The following RPS6KC1 variants were observed in gnomAD, a reference collection of about 807,000 sequenced individuals.
The protein encoded by RPS6KC1 is ribosomal protein S6 kinase C1, also known as inactive ribosomal protein S6 kinase delta-1.
Under a neutral mutation model 103.8 loss-of-function variants are expected in RPS6KC1, and 54 were observed. The observed-to-expected ratio is 0.52, with a 90% confidence interval of 0.42 to 0.65. The LOEUF is 0.65. RPS6KC1 is among the 30% of genes least tolerant of loss of function. The pLI is 0.00. For missense variants in RPS6KC1, 1,151 were observed against 1,253.8 expected (o/e 0.92, Z 1.24); for synonymous variants, 439 against 438.7 (o/e 1.00, Z -0.01).
At chr1:213,292,593 C>T in the RPS6KC1 span, among the ~76,000 whole-genome samples, 1 of 152,274 alleles carries the variant, frequency 6.6e-6, no homozygotes, top group Admixed American at 6.5e-5. Flanking sequence ...ACATTACCTT[C>T]CACTCCAGGA....
the RPS6KC1 span, among the ~76,000 whole-genome samples, chr1:213,542,242 AC>A: frequency 6.6e-6 from 1 of 152,250 alleles, no homozygotes; most frequent in Non-Finnish European, 1.5e-5. Flanking sequence ...CTTTCTTACC[AC>A]AGTGTTCCAG....
At chr1:213,580,159 C>T in the RPS6KC1 span, among the ~76,000 whole-genome samples, 3 of 152,098 alleles carry the variant, frequency 2.0e-5, no homozygotes, top group African/African-American at 7.2e-5. Flanking sequence ...CCATAAAGAA[C>T]GTCATGATTC....
rs996181985 is a variant in RPS6KC1 at position 213,199,300 on chromosome 1, A to C, written c.1044+22808A>C. Among the ~76,000 whole-genome samples, 3 of 152,220 alleles carry C rather than the reference A, an allele frequency of 2.0e-5. No homozygotes were observed. In the East Asian group the frequency reaches 5.8e-4, roughly 29 times the overall value. On this transcript the variant is annotated intron_variant, in intron 8 of 14. Transcript: ENST00000366960. The stretch of plus-strand genomic sequence containing the variant: ...ATTAAAAAGCTTATCCACCACGATC[A>C]AGTAGGCTTTATCCCTGGGATATAA...
the RPS6KC1 span, among the ~76,000 whole-genome samples, chr1:213,829,989 A>G: frequency 6.6e-6 from 1 of 152,200 alleles, no homozygotes; most frequent in Non-Finnish European, 1.5e-5. Context: ...GACTTTGCAT[A>G]CATTTTCAGC....
At chr1:213,118,040 G>C (rs1296453915) in intron 5 of RPS6KC1, among the ~76,000 whole-genome samples, 2 of 34,702 alleles carry the variant, frequency 5.8e-5, no homozygotes, top group African/African-American at 1.9e-4. Flanking sequence ...AAAAAAAAAA[G>C]CCTTACTCAT....
the RPS6KC1 span, among the ~76,000 whole-genome samples, chr1:213,417,903 C>G: frequency 2.6e-5 from 4 of 152,100 alleles, no homozygotes; most frequent in South Asian, 2.1e-4. Flanking sequence ...CAGGTGATAC[C>G]GGTCATTAAA....
chr1:213,515,338 T>C, the RPS6KC1 span, among the ~76,000 whole-genome samples: 6 of 152,356 alleles, frequency 3.9e-5, no homozygotes, highest in Non-Finnish European at 8.8e-5. Context: ...GCCTAGGTTT[T>C]CTTCTAGGGT....
chr1:213,710,958 T>C, the RPS6KC1 span, among the ~76,000 whole-genome samples: 1 of 152,186 alleles, frequency 6.6e-6, no homozygotes, highest in African/African-American at 2.4e-5. Flanking sequence ...ATTTTTTCCT[T>C]CATTTCAACC....
chr1:213,353,845 A>G, the RPS6KC1 span, among the ~76,000 whole-genome samples: 2 of 152,224 alleles, frequency 1.3e-5, no homozygotes, highest in South Asian at 4.1e-4. Flanking sequence ...ATGGAAATTC[A>G]GAGGAAGGTG....
chr1:213,233,742 T>TA (rs2094156676), intron 10 of RPS6KC1, among the ~76,000 whole-genome samples: 1 of 152,178 alleles, frequency 6.6e-6, no homozygotes, highest in South Asian at 2.1e-4. Flanking sequence ...ATCATAGACT[T>TA]ACGACTTTTA....
At chr1:213,117,518 C>T in intron 5 of RPS6KC1, 108 bp downstream of exon 5, 1 of 587,738 alleles carries the variant, frequency 1.7e-6, no homozygotes, top group East Asian at 3.0e-5. Context: ...GAGGGTATTT[C>T]ACTGATTCTA....
chr1:213,758,289 G>T, the RPS6KC1 span, among the ~76,000 whole-genome samples: 2 of 152,130 alleles, frequency 1.3e-5, no homozygotes, highest in African/African-American at 4.8e-5. Flanking sequence ...AAAAATATTT[G>T]TGATTCAGCA....
intron 8 of RPS6KC1, among the ~76,000 whole-genome samples, chr1:213,191,416 T>C (rs1480108914): frequency 1.3e-5 from 2 of 152,210 alleles, no homozygotes; most frequent in South Asian, 2.1e-4. Flanking sequence ...ATGGGATTAC[T>C]TTCTTGATTT....
chr1:213,552,337 C>T, the RPS6KC1 span, among the ~76,000 whole-genome samples: 1 of 152,314 alleles, frequency 6.6e-6, no homozygotes, highest in Admixed American at 6.5e-5. Context: ...TTTCCACCAG[C>T]AATGAAACAG....
the RPS6KC1 span, among the ~76,000 whole-genome samples, chr1:213,744,036 C>A: frequency 6.6e-6 from 1 of 151,974 alleles, no homozygotes; most frequent in Admixed American, 6.6e-5. Context: ...AAATGGAAAA[C>A]CAAATATTGT....
the RPS6KC1 span, among the ~76,000 whole-genome samples, chr1:213,467,111 G>A: frequency 2.8e-4 from 42 of 152,026 alleles, no homozygotes; most frequent in Admixed American, 2.7e-3. Flanking sequence ...GACTGCCTCT[G>A]GGCAGATGTC....
chr1:213,402,752 A>G, the RPS6KC1 span, among the ~76,000 whole-genome samples: 1 of 152,080 alleles, frequency 6.6e-6, no homozygotes, highest in African/African-American at 2.4e-5. Context: ...TCATAAGGAG[A>G]TCTACAGGTG....
At chr1:213,753,733 T>A in the RPS6KC1 span, among the ~76,000 whole-genome samples, 1 of 152,194 alleles carries the variant, frequency 6.6e-6, no homozygotes, top group Non-Finnish European at 1.5e-5. Flanking sequence ...CACATCTATT[T>A]CTATGAATCT....
chr1:213,788,536 G>T, the RPS6KC1 span, among the ~76,000 whole-genome samples: 2 of 151,918 alleles, frequency 1.3e-5, no homozygotes, highest in African/African-American at 4.8e-5. Flanking sequence ...TTCTTCCCCT[G>T]ACTCCCTCCC....
Sources: gnomAD v4.1 joint callset for allele counts (sites outside exome capture counted in the v4.1 genomes callset) on GRCh38, gnomAD v4.1.1 for gene constraint, MANE v1.5 for transcripts, NCBI Gene and HGNC (gene_info 2026-07-23, HGNC 2026-07-21) for gene names.